The following LIMS1 variants were observed in gnomAD, a reference collection of about 807,000 sequenced individuals.
The protein encoded by LIMS1 is LIM and senescent cell antigen-like-containing domain protein 1.
In LIMS1, 18 loss-of-function variants were observed where a neutral mutation model predicts 44.1. The observed-to-expected ratio is 0.41, with a 90% CI of 0.28 to 0.61. The LOEUF is 0.61. LIMS1 is among the 20% of genes least tolerant of loss of function. The pLI is 0.32. For synonymous variants in LIMS1, 93 were observed against 149.1 expected, an observed-to-expected ratio of 0.62 and a Z score of 2.74; for missense variants, 201 against 422.0, an observed-to-expected ratio of 0.48 and a Z score of 4.59.
chr2:108,610,771 C>T (rs1236596757), intron 1 of LIMS1, among the ~76,000 whole-genome samples: 1 of 152,186 alleles, frequency 6.6e-6, no homozygotes, highest in Admixed American at 6.5e-5. Context: ...TGCAGGAAAA[C>T]CCCTTCTCTG....
intron 1 of LIMS1, among the ~76,000 whole-genome samples, chr2:108,566,190 G>A (rs562825689): frequency 3.9e-5 from 6 of 152,214 alleles, no homozygotes; most frequent in African/African-American, 1.2e-4. Flanking sequence ...AGCAAAGTGG[G>A]GATTACAGTC....
intron 1 of LIMS1, among the ~76,000 whole-genome samples, chr2:108,590,101 A>G (rs1461788665): frequency 1.3e-5 from 2 of 152,220 alleles, no homozygotes; most frequent in Admixed American, 6.5e-5. Flanking sequence ...GCTTTACTAC[A>G]TGACTTGCCT....
At chr2:108,647,733 A>G (rs939506591) in intron 1 of LIMS1, among the ~76,000 whole-genome samples, 1 of 152,226 alleles carries the variant, frequency 6.6e-6, no homozygotes, top group African/African-American at 2.4e-5. Context: ...ATCTCAATAG[A>G]TGCACAAAAG....
chr2:108,580,456 A>C (rs924986835), intron 1 of LIMS1, among the ~76,000 whole-genome samples: 1 of 152,130 alleles, frequency 6.6e-6, no homozygotes, highest in Admixed American at 6.5e-5. Flanking sequence ...AGAGTGGACG[A>C]CATGGGTACC....
intron 1 of LIMS1, among the ~76,000 whole-genome samples, chr2:108,639,932 C>T (rs1689556968): frequency 6.6e-6 from 1 of 152,218 alleles, no homozygotes. Flanking sequence ...GTTCAGTGAT[C>T]CCATCCCAAA....
At chr2:108,608,299 T>C (rs1316246271) in intron 1 of LIMS1, among the ~76,000 whole-genome samples, 1 of 152,098 alleles carries the variant, frequency 6.6e-6, no homozygotes, top group African/African-American at 2.4e-5. Flanking sequence ...AGTTGCCTTT[T>C]TCACTCACTT....
chr2:108,534,405 CCCCCCT>C, exon 1 of LIMS1: 1 of 374,006 alleles, frequency 2.7e-6, no homozygotes, highest in Non-Finnish European at 4.3e-6. Context: ...CTCGCCTTCC[CCCCCCT>C]CCCGCGCCCC....
chr2:108,608,861 G>A (rs548872041), intron 1 of LIMS1, among the ~76,000 whole-genome samples: 3 of 152,204 alleles, frequency 2.0e-5, no homozygotes, highest in Admixed American at 6.5e-5. Context: ...GGTGTTAGGG[G>A]GATCAAATGA....
intron 5 of LIMS1, among the ~76,000 whole-genome samples, chr2:108,674,107 C>T (rs1414462714): frequency 1.3e-5 from 2 of 151,852 alleles, no homozygotes; most frequent in Non-Finnish European, 2.9e-5. Context: ...GCGGGCAGAT[C>T]ACGAGGTCAG....
At chr2:108,578,995 G>C (rs1685783781) in intron 1 of LIMS1, among the ~76,000 whole-genome samples, 1 of 152,088 alleles carries the variant, frequency 6.6e-6, no homozygotes, top group South Asian at 2.1e-4. Flanking sequence ...TTAAATTTCA[G>C]GTTAGCATCC....
chr2:108,576,991 T>C (rs1334706118), intron 1 of LIMS1, among the ~76,000 whole-genome samples: 1 of 152,222 alleles, frequency 6.6e-6, no homozygotes, highest in Non-Finnish European at 1.5e-5. Flanking sequence ...CATTTCCTTA[T>C]ACCATTGTTT....
intron 1 of LIMS1, among the ~76,000 whole-genome samples, chr2:108,636,531 T>A (rs1028231608): frequency 2.6e-5 from 4 of 152,212 alleles, no homozygotes; most frequent in Admixed American, 6.5e-5. Context: ...CACCCTCTAC[T>A]GACAAGGTCT....
intron 1 of LIMS1, among the ~76,000 whole-genome samples, chr2:108,649,065 A>C (rs1690275964): frequency 6.6e-6 from 1 of 152,196 alleles, no homozygotes; most frequent in Non-Finnish European, 1.5e-5. Flanking sequence ...AATGGGAGAA[A>C]ATTTTTGCAA....
chr2:108,556,321 G>C (rs1320707848), intron 1 of LIMS1, among the ~76,000 whole-genome samples: 1 of 152,080 alleles, frequency 6.6e-6, no homozygotes, highest in Non-Finnish European at 1.5e-5. Context: ...TGTATATACT[G>C]TACTTGTTTA....
At chr2:108,560,632 G>C (rs1434456041) in intron 1 of LIMS1, among the ~76,000 whole-genome samples, 3 of 151,760 alleles carry the variant, frequency 2.0e-5, no homozygotes, top group Non-Finnish European at 4.4e-5. Context: ...CTTTTCTCCT[G>C]ACACTTAGAA....
intron 1 of LIMS1, among the ~76,000 whole-genome samples, chr2:108,579,139 C>G (rs978590740): frequency 1.8e-4 from 28 of 152,000 alleles, no homozygotes; most frequent in African/African-American, 6.5e-4. Context: ...TGAGATGATT[C>G]CAAATTTTGT....
intron 1 of LIMS1, among the ~76,000 whole-genome samples, chr2:108,594,034 A>C (rs1686541188): frequency 6.6e-6 from 1 of 152,198 alleles, no homozygotes; most frequent in Admixed American, 6.5e-5. Flanking sequence ...AGACAATAGC[A>C]GTGAGCTACT....
intron 1 of LIMS1, among the ~76,000 whole-genome samples, chr2:108,558,965 C>T (rs1178918690): frequency 1.3e-5 from 2 of 152,102 alleles, no homozygotes; most frequent in East Asian, 3.8e-4. Context: ...GCCACTGTGC[C>T]CGGCCAAGAA....
At chr2:108,621,371 T>C in intron 1 of LIMS1, 1 of 1,550,142 alleles carries the variant, frequency 6.5e-7, no homozygotes, top group South Asian at 1.2e-5. Flanking sequence ...GCATTACAGC[T>C]TAAAGAGCTT....
Sources: allele counts gnomAD v4.1 joint callset (sites outside exome capture counted in the v4.1 genomes callset), GRCh38; gene constraint gnomAD v4.1.1; transcripts MANE v1.5; gene names NCBI Gene and HGNC (gene_info 2026-07-23, HGNC 2026-07-21).